The following CDKN2B-AS1 variants were observed in gnomAD, a reference collection of about 807,000 sequenced individuals.
The protein encoded by CDKN2B-AS1 is CDKN2B and CDKN2A antisense cis and trans regulatory RNA 1, also known as CDKN2B antisense RNA 1 (non-protein coding).
intron 4 of CDKN2B-AS1, among the ~76,000 whole-genome samples, chr9:22,085,199 A>C (rs1824827003): frequency 6.6e-6 from 1 of 152,196 alleles, no homozygotes; most frequent in Non-Finnish European, 1.5e-5. Flanking sequence ...AGGAGAAAAA[A>C]GTTTATCAGT....
intron 1 of CDKN2B-AS1, among the ~76,000 whole-genome samples, chr9:22,020,014 C>A (rs188501645): frequency 2.9e-4 from 44 of 152,246 alleles, no homozygotes; most frequent in Non-Finnish European, 5.7e-4. Context: ...CTTATTTTCT[C>A]CCTCCACCCA....
At position 22,101,059 on chromosome 9, in the gene CDKN2B-AS1, G is replaced by A. The variant is rs547157809; in HGVS notation, n.439-26044G>A. Among the ~76,000 whole-genome samples, 86 of 152,230 alleles carry A rather than the reference G, an allele frequency of 5.6e-4. 2 individuals are homozygous for A. The highest frequency in any genetic ancestry group is 1.9e-3 in the African/African-American group (77 of 41,540). ...TATTTTTAACTTTAATTTGACTGAG[G>A]ATAATGATCCACCAGTAAAGAGATG... On this transcript the variant is annotated intron_variant and non_coding_transcript_variant, in intron 4 of 4. Transcript: ENST00000650946.
intron 4 of CDKN2B-AS1, among the ~76,000 whole-genome samples, chr9:22,062,999 A>G (rs1242931405): frequency 9.3e-6 from 1 of 107,830 alleles, no homozygotes; most frequent in Non-Finnish European, 1.8e-5. Flanking sequence ...ATATATATAT[A>G]GAGAGAGAGA....
intron 4 of CDKN2B-AS1, among the ~76,000 whole-genome samples, chr9:22,098,998 G>A (rs1476509698): frequency 6.6e-6 from 1 of 152,172 alleles, no homozygotes; most frequent in African/African-American, 2.4e-5. Context: ...CTAATACTAG[G>A]CAAGAAGTGC....
At chr9:22,014,071 A>T (rs911809059) in intron 1 of CDKN2B-AS1, among the ~76,000 whole-genome samples, 1 of 152,184 alleles carries the variant, frequency 6.6e-6, no homozygotes, top group Admixed American at 6.5e-5. Flanking sequence ...ATTATTTCAT[A>T]GATTATTATT....
chr9:22,086,770 G>A (rs894572437), intron 4 of CDKN2B-AS1, among the ~76,000 whole-genome samples: 6 of 152,032 alleles, frequency 3.9e-5, no homozygotes, highest in African/African-American at 1.4e-4. Context: ...TATTTATTTT[G>A]AGATCTTATT....
chr9:22,083,987 C>T (rs1824786111), intron 4 of CDKN2B-AS1, among the ~76,000 whole-genome samples: 1 of 152,222 alleles, frequency 6.6e-6, no homozygotes, highest in African/African-American at 2.4e-5. Flanking sequence ...TCTTAAATCT[C>T]TTTCTGACCA....
chr9:22,083,427 G>T (rs1824766129), intron 4 of CDKN2B-AS1, among the ~76,000 whole-genome samples: 2 of 152,142 alleles, frequency 1.3e-5, no homozygotes, highest in South Asian at 4.1e-4. Flanking sequence ...CAGAGAGGAA[G>T]GTACAGATAT....
intron 4 of CDKN2B-AS1, among the ~76,000 whole-genome samples, chr9:22,076,078 A>G (rs1824480696): frequency 6.6e-6 from 1 of 151,820 alleles, no homozygotes; most frequent in East Asian, 1.9e-4. Flanking sequence ...TTTTTAATGG[A>G]GTCTTGCTCT....
At chr9:22,110,455 T>G (rs1825776812) in intron 4 of CDKN2B-AS1, among the ~76,000 whole-genome samples, 1 of 152,190 alleles carries the variant, frequency 6.6e-6, no homozygotes, top group Non-Finnish European at 1.5e-5. Context: ...CAGATGAAGA[T>G]ACAGTACTTT....
intron 1 of CDKN2B-AS1, among the ~76,000 whole-genome samples, chr9:22,035,589 G>T (rs143494912): frequency 6.6e-6 from 1 of 152,214 alleles, no homozygotes; most frequent in Non-Finnish European, 1.5e-5. Flanking sequence ...CGAGGGGTTG[G>T]ATGCATCTGT....
intron 4 of CDKN2B-AS1, among the ~76,000 whole-genome samples, chr9:22,114,879 T>C (rs1825905727): frequency 6.6e-6 from 1 of 152,242 alleles, no homozygotes; most frequent in Non-Finnish European, 1.5e-5. Flanking sequence ...CATTCAAATT[T>C]ATGCTGCATT....
chr9:22,081,043 A>G (rs906465982), intron 4 of CDKN2B-AS1, among the ~76,000 whole-genome samples: 11 of 152,220 alleles, frequency 7.2e-5, no homozygotes, highest in African/African-American at 1.9e-4. Flanking sequence ...ATACTGCAGT[A>G]CATTTTTTTC....
chr9:22,027,072 A>G (rs942337110), intron 1 of CDKN2B-AS1, among the ~76,000 whole-genome samples: 1 of 151,980 alleles, frequency 6.6e-6, no homozygotes, highest in African/African-American at 2.4e-5. Flanking sequence ...GTTTCAGTTG[A>G]AGGTGCTATA....
chr9:22,104,597 G>C (rs891297785), intron 4 of CDKN2B-AS1, among the ~76,000 whole-genome samples: 1 of 152,052 alleles, frequency 6.6e-6, no homozygotes, highest in Non-Finnish European at 1.5e-5. Flanking sequence ...CTACATGCTG[G>C]GTATAAGAAG....
intron 4 of CDKN2B-AS1, among the ~76,000 whole-genome samples, chr9:22,116,461 A>G (rs773511084): frequency 2.0e-5 from 3 of 152,236 alleles, no homozygotes; most frequent in Non-Finnish European, 4.4e-5. Context: ...AAACAAATAA[A>G]AGTATTCAGA....
chr9:22,052,735 T>C (rs6475604), intron 3 of CDKN2B-AS1, among the ~76,000 whole-genome samples: 109,544 of 152,208 alleles, frequency 0.72, 41,234 homozygotes, highest in African/African-American at 0.93. Flanking sequence ...TACTGCCATT[T>C]TCTCATCTCC....
Position 22,000,827 on chromosome 9 carries a change from A to C in CDKN2B-AS1, n.29+5666A>C, listed in dbSNP as rs1198081680. Among the ~76,000 whole-genome samples, 3 of 152,336 alleles carry C rather than the reference A, an allele frequency of 2.0e-5. No homozygotes were observed. Among genetic ancestry groups the C allele is most frequent in the East Asian group, 3.9e-4 (2 of 5,192 alleles). On this transcript the variant is annotated intron_variant and non_coding_transcript_variant, in intron 1 of 4. Coordinates refer to ENST00000650946, the Ensembl canonical transcript of CDKN2B-AS1. The surrounding 1 kb of genome is among the most constrained non-coding windows in gnomAD (Gnocchi z 4.1). ...CAAGTATCTTATTTATACTAAGAGA[A>C]GAGAGAAACCCGAAGAACAATGGAT...
chr9:22,091,957 T>G (rs1258214517), intron 4 of CDKN2B-AS1, among the ~76,000 whole-genome samples: 7 of 152,068 alleles, frequency 4.6e-5, no homozygotes, highest in African/African-American at 7.2e-5. Context: ...TTGGCTGTGG[T>G]TTTGTTATAG....
Sources: allele counts gnomAD v4.1 joint callset (sites outside exome capture counted in the v4.1 genomes callset), GRCh38; gene constraint gnomAD v4.1.1; non-coding constraint Gnocchi (gnomAD v3.1); transcripts MANE v1.5; gene names NCBI Gene and HGNC (gene_info 2026-07-23, HGNC 2026-07-21).